HELZ: variants seen among roughly 807,000 people sequenced by gnomAD.
HELZ encodes helicase with zinc finger, also known as ATP-dependent RNA helicase with zinc finger domain.
Under a neutral mutation model 218.2 loss-of-function variants are expected in HELZ, and 23 were observed. That is an observed-to-expected ratio of 0.11 (90% confidence interval 0.08 to 0.15). The LOEUF (loss-of-function observed/expected upper bound fraction) is 0.15. Ranked by LOEUF, HELZ falls within the 10% of genes least tolerant of loss-of-function variation. The pLI is 1.00. For synonymous variants in HELZ, 814 were observed against 829.4 expected (o/e 0.98, Z 0.32); for missense variants, 1,813 against 2,353.7 (o/e 0.77, Z 4.75).
At chr17:67,225,160 G>A in intron 3 of HELZ, 1 of 376,790 alleles carries the variant, frequency 2.7e-6, no homozygotes. Flanking sequence ...GTAATAACAA[G>A]AAGCTTTTAC....
intron 31 of HELZ, among the ~76,000 whole-genome samples, chr17:67,089,598 G>A (rs1344128079): frequency 4.1e-5 from 6 of 146,032 alleles, no homozygotes; most frequent in Non-Finnish European, 9.0e-5. Context: ...AAGCAAAACC[G>A]AAACTGGAAA....
Position 67,238,580 on chromosome 17 carries a change from G to A in HELZ, c.-19+853C>T, listed in dbSNP as rs879349799. On this transcript the variant is annotated intron_variant, in intron 3 of 32. Coordinates refer to ENST00000358691, the MANE Select transcript of HELZ (RefSeq NM_014877.4). ...GCCTGTAATCCCAGCTACTCAGGAGGCTGAGGCAGGAGAATTGCTTGAACC... is the reference window on the plus strand; with the variant it reads ...GCCTGTAATCCCAGCTACTCAGGAGACTGAGGCAGGAGAATTGCTTGAACC... 2.0e-5 allele frequency among the ~76,000 whole-genome samples: 3 copies of A among 151,850 alleles called. 1 individual carries two copies. Among genetic ancestry groups the A allele is most frequent in the Non-Finnish European group, 2.9e-5 (2 of 67,986 alleles).
chr17:67,238,350 A>G (rs1257671954), intron 3 of HELZ, among the ~76,000 whole-genome samples: 1 of 129,950 alleles, frequency 7.7e-6, no homozygotes, highest in African/African-American at 2.8e-5. Context: ...TCTGTCTCTC[A>G]AAAAAAAAAA....
At chr17:67,205,597 G>A (rs1422316394) in intron 5 of HELZ, among the ~76,000 whole-genome samples, 1 of 152,138 alleles carries the variant, frequency 6.6e-6, no homozygotes, top group Non-Finnish European at 1.5e-5. Flanking sequence ...TAGTAACTGG[G>A]ATATTAAGAA....
At chr17:67,197,984 A>G (rs2040074827) in intron 7 of HELZ, among the ~76,000 whole-genome samples, 1 of 152,178 alleles carries the variant, frequency 6.6e-6, no homozygotes, top group East Asian at 1.9e-4. Flanking sequence ...AATTAAAAAA[A>G]AGCCATTAAA....
intron 31 of HELZ, among the ~76,000 whole-genome samples, chr17:67,100,501 C>G (rs1029551987): frequency 6.6e-5 from 10 of 152,014 alleles, no homozygotes; most frequent in Admixed American, 2.6e-4. Flanking sequence ...TACAAAGATG[C>G]CTTCAAAAAG....
chr17:67,207,477 C>A (rs2040336722), intron 5 of HELZ, among the ~76,000 whole-genome samples: 1 of 151,970 alleles, frequency 6.6e-6, no homozygotes, highest in Non-Finnish European at 1.5e-5. Flanking sequence ...ACCTCAGTCT[C>A]CCCAAGAGCT....
At chr17:67,215,334 C>A (rs1221638432) in intron 5 of HELZ, among the ~76,000 whole-genome samples, 2 of 150,426 alleles carry the variant, frequency 1.3e-5, no homozygotes, top group African/African-American at 4.9e-5. Flanking sequence ...GCCCTTGTGA[C>A]TGGAGCTATT....
intron 5 of HELZ, 144 bp from the exon 6 acceptor site, chr17:67,203,587 T>C (rs550661001): frequency 5.4e-6 from 5 of 923,284 alleles, no homozygotes; most frequent in Non-Finnish European, 7.9e-6. Context: ...GCAGTGGTGT[T>C]TCTGTTCTGT....
At position 67,138,467 on chromosome 17, in the gene HELZ, C is replaced by G. The variant is rs751025614; in HGVS notation, c.2770-353G>C. Among the ~76,000 whole-genome samples the G allele has an allele frequency of 2.2e-4, 34 of 152,058 alleles. 1 individual carries two copies. The highest frequency in any genetic ancestry group is 3.9e-4 in the Admixed American group (6 of 15,270). On this transcript the variant is annotated intron_variant, in intron 21 of 32. Transcript: ENST00000358691. ...TCTAGGGAAGGCAAGTTCTCACAGC[C>G]CCAGTAATTCTCAGTCCACTCTCTC...
At chr17:67,138,263 C>T (rs2038214349) in intron 21 of HELZ, 149 bp from the exon 22 acceptor site, 2 of 533,572 alleles carry the variant, frequency 3.7e-6, no homozygotes, top group African/African-American at 1.9e-5. Flanking sequence ...GGGAGTAATG[C>T]TTTGCTGATG....
At chr17:67,144,586 G>A (rs1186983446) in intron 21 of HELZ, among the ~76,000 whole-genome samples, 1 of 151,446 alleles carries the variant, frequency 6.6e-6, no homozygotes, top group Non-Finnish European at 1.5e-5. Flanking sequence ...CCAGGTCACC[G>A]TGAATGAACA....
At chr17:67,115,988 A>C (rs1179239013) in intron 27 of HELZ, among the ~76,000 whole-genome samples, 1 of 152,146 alleles carries the variant, frequency 6.6e-6, no homozygotes, top group Non-Finnish European at 1.5e-5. Flanking sequence ...GGGGATTTGT[A>C]ACTTATGTAA....
intron 6 of HELZ, among the ~76,000 whole-genome samples, chr17:67,202,070 T>C (rs1221891874): frequency 6.6e-6 from 1 of 152,050 alleles, no homozygotes; most frequent in Non-Finnish European, 1.5e-5. Flanking sequence ...AAAGCACAAA[T>C]CTGCCCCATA....
At chr17:67,196,195 G>C (rs2040023820) in intron 7 of HELZ, among the ~76,000 whole-genome samples, 1 of 152,030 alleles carries the variant, frequency 6.6e-6, no homozygotes, top group Non-Finnish European at 1.5e-5. Flanking sequence ...TACCACTTTG[G>C]AGCCTGGGAG....
At chr17:67,185,534 A>T (rs2039730643) in intron 12 of HELZ, among the ~76,000 whole-genome samples, 1 of 152,190 alleles carries the variant, frequency 6.6e-6, no homozygotes, top group African/African-American at 2.4e-5. Context: ...AAATTAGCAT[A>T]AGTCATTATG....
At chr17:67,228,707 CATTATT>C (rs375631612) in intron 3 of HELZ, among the ~76,000 whole-genome samples, 83 of 147,506 alleles carry the variant, frequency 5.6e-4, no homozygotes, top group African/African-American at 1.9e-3. Flanking sequence ...CAAATTGATA[CATTATT>C]ATTATTATTA....
At chr17:67,086,631 A>AATATATATATATAAAT (rs2036390893) in intron 32 of HELZ, among the ~76,000 whole-genome samples, 198 bp downstream of exon 32, 2 of 93,318 alleles carry the variant, frequency 2.1e-5, no homozygotes, top group Non-Finnish European at 4.1e-5. Flanking sequence ...TATAAATATA[A>AATATATATATATAAAT]ATATATATAT....
intron 26 of HELZ, among the ~76,000 whole-genome samples, chr17:67,121,538 A>G (rs978159994): frequency 2.6e-5 from 4 of 152,184 alleles, no homozygotes; most frequent in African/African-American, 9.7e-5. Flanking sequence ...CGTGGCTGAG[A>G]AATGTTTGCA....
Sources: allele counts gnomAD v4.1 joint callset (sites outside exome capture counted in the v4.1 genomes callset), GRCh38; gene constraint gnomAD v4.1.1; transcripts MANE v1.5; gene names NCBI Gene and HGNC (gene_info 2026-07-23, HGNC 2026-07-21).